The following ZSCAN5A variants were observed in gnomAD, a reference collection of about 807,000 sequenced individuals.
The protein encoded by ZSCAN5A is zinc finger and SCAN domain containing 5A, also known as zinc finger and SCAN domain-containing protein 5A.
ZSCAN5A carries 12 observed loss-of-function variants against 23.7 expected under a neutral mutation model. The observed-to-expected ratio is 0.51, with a 90% CI of 0.32 to 0.82. ZSCAN5A has a LOEUF of 0.82. Among genes scored for constraint, ZSCAN5A ranks in the 40% least tolerant of loss-of-function variants. The pLI is 0.03. For synonymous variants in ZSCAN5A, 257 were observed against 239.9 expected, an observed-to-expected ratio of 1.07 and a Z score of -0.66; for missense variants, 597 against 617.9, an observed-to-expected ratio of 0.97 and a Z score of 0.36.
chr19:56,301,899 C>T, intron 2 of ZSCAN5A: 2 of 1,231,062 alleles, frequency 1.6e-6, no homozygotes, highest in South Asian at 4.1e-5. Context: ...GGAGAGACAG[C>T]AGTGACAGGA....
rs571568763 is a variant in ZSCAN5A at position 56,232,108 on chromosome 19, C to G, written c.-127-6935G>C. Among the ~76,000 whole-genome samples, 18 of 151,182 alleles carry G rather than the reference C, an allele frequency of 1.2e-4. No individual in the cohort carries two copies. The East Asian group carries it at 1.8e-3, about 15-fold the overall frequency. On this transcript the variant is annotated intron_variant, in intron 2 of 5. Coordinates refer to ENST00000683990, the MANE Select transcript of ZSCAN5A (RefSeq NM_001322064.3). ...CCTTAAGTGAACCTCCTACCTCAGC[C>G]CCCCCAGGTGGCTGGGACCACTATG...
intron 2 of ZSCAN5A, among the ~76,000 whole-genome samples, chr19:56,276,205 G>A (rs891116607): frequency 1.3e-5 from 2 of 152,160 alleles, no homozygotes; most frequent in Non-Finnish European, 2.9e-5. Flanking sequence ...CTGGGGAAGG[G>A]TGGCACTTGG....
chr19:56,306,055 G>C (rs1025496607), intron 2 of ZSCAN5A, among the ~76,000 whole-genome samples: 1 of 152,088 alleles, frequency 6.6e-6, no homozygotes, highest in Non-Finnish European at 1.5e-5. Flanking sequence ...TGGAAGATTA[G>C]AGCAAGCATT....
intron 2 of ZSCAN5A, chr19:56,343,104 T>G: frequency 3.9e-6 from 3 of 759,538 alleles, no homozygotes; most frequent in South Asian, 2.8e-5. Context: ...TCGGGTCCTA[T>G]CCAATGATCC....
At chr19:56,238,077 C>T (rs1420589157) in intron 2 of ZSCAN5A, among the ~76,000 whole-genome samples, 2 of 42,972 alleles carry the variant, frequency 4.7e-5, no homozygotes, top group Non-Finnish European at 1.1e-4. Context: ...TAGACACACA[C>T]AGAGACACAC....
intron 2 of ZSCAN5A, among the ~76,000 whole-genome samples, chr19:56,293,536 G>A (rs990620344): frequency 6.6e-6 from 1 of 152,154 alleles, no homozygotes; most frequent in Non-Finnish European, 1.5e-5. Flanking sequence ...CACTGTGGGC[G>A]CCGGTCCTGA....
Position 56,303,885 on chromosome 19 carries a change from C to T in ZSCAN5A, c.-128+9398G>A, listed in dbSNP as rs147262720. Reference sequence around the variant, plus strand: ...CAGAGCAGCTTGGGGGCAACCACTGCAAGCAAAGCAGGCATGCACAGCAGA... The same window carrying T: ...CAGAGCAGCTTGGGGGCAACCACTGTAAGCAAAGCAGGCATGCACAGCAGA... On this transcript the variant is annotated intron_variant, in intron 2 of 5. Transcript: ENST00000683990. Among the ~76,000 whole-genome samples the T allele has an allele frequency of 1.5e-3, 235 of 152,224 alleles. 1 individual carries two copies. Among genetic ancestry groups the T allele is most frequent in the African/African-American group, 5.3e-3 (220 of 41,530 alleles).
chr19:56,288,938 C>T (rs1487241711), intron 2 of ZSCAN5A, among the ~76,000 whole-genome samples: 1 of 152,134 alleles, frequency 6.6e-6, no homozygotes, highest in Non-Finnish European at 1.5e-5. Flanking sequence ...TTCTCATAAC[C>T]ACCGCTGGGC....
At chr19:56,234,819 G>A (rs966089246) in intron 2 of ZSCAN5A, among the ~76,000 whole-genome samples, 29 of 152,338 alleles carry the variant, frequency 1.9e-4, no homozygotes, top group African/African-American at 4.8e-4. Context: ...CGTGGAGCTC[G>A]GATTTCAAGG....
chr19:56,302,510 TTTCC>T (rs139329361), intron 2 of ZSCAN5A, among the ~76,000 whole-genome samples: 9,997 of 47,890 alleles, frequency 0.21, 1,534 homozygotes, highest in African/African-American at 0.47. Flanking sequence ...TCTGCCCTTC[TTTCC>T]TTCCTCCCTC....
At chr19:56,301,818 C>G in intron 2 of ZSCAN5A, 2 of 810,738 alleles carry the variant, frequency 2.5e-6, no homozygotes, top group Non-Finnish European at 3.3e-6. Context: ...GGGAAGCTGG[C>G]AGTGATGGTG....
At chr19:56,289,129 T>TGTA (rs61082580) in intron 2 of ZSCAN5A, among the ~76,000 whole-genome samples, 64 of 152,278 alleles carry the variant, frequency 4.2e-4, no homozygotes, top group African/African-American at 1.4e-3. Context: ...AGCCCTGGTT[T>TGTA]GTAGCGACTA....
intron 2 of ZSCAN5A, among the ~76,000 whole-genome samples, chr19:56,349,733 T>G (rs1159390428): frequency 1.8e-5 from 2 of 110,018 alleles, no homozygotes; most frequent in Admixed American, 9.1e-5. Flanking sequence ...AAAAAAAAAG[T>G]AGAAGATCTT....
rs183341461 is a variant in ZSCAN5A at position 56,278,614 on chromosome 19, T to G, written c.-128+34669A>C. 3.5e-4 allele frequency among the ~76,000 whole-genome samples: 53 copies of G among 152,276 alleles called. No homozygotes were observed. The East Asian group carries it at 0.01, about 29-fold the overall frequency. On this transcript the variant is annotated intron_variant, in intron 2 of 5. Coordinates refer to ENST00000683990, the MANE Select transcript of ZSCAN5A (RefSeq NM_001322064.3). ...TTGATAGAGATATTTGAGAACAAAT[T>G]TCTTAGGGGAATTAGCTCACTCAGT...
intron 2 of ZSCAN5A, among the ~76,000 whole-genome samples, chr19:56,322,892 CTTTTTTTT>C (rs397859568): frequency 7.9e-6 from 1 of 126,820 alleles, no homozygotes; most frequent in African/African-American, 3.2e-5. Context: ...TTATTGGTTT[CTTTTTTTT>C]TTTTTTTTTT....
intron 2 of ZSCAN5A, among the ~76,000 whole-genome samples, chr19:56,264,249 A>G (rs776171120): frequency 1.3e-5 from 2 of 152,060 alleles, no homozygotes; most frequent in African/African-American, 4.8e-5. Flanking sequence ...ACCTGCCTCA[A>G]CCTGCCAGTG....
At chr19:56,273,280 G>C (rs1413672030) in intron 2 of ZSCAN5A, among the ~76,000 whole-genome samples, 1 of 152,200 alleles carries the variant, frequency 6.6e-6, no homozygotes, top group African/African-American at 2.4e-5. Flanking sequence ...GTGCCTGGAA[G>C]TCAACATTAC....
chr19:56,249,149 T>C (rs1600092615), intron 2 of ZSCAN5A, among the ~76,000 whole-genome samples: 1 of 152,202 alleles, frequency 6.6e-6, no homozygotes. Flanking sequence ...GGTGACTAGT[T>C]GGTCTTAGTG....
chr19:56,298,704 T>C (rs1048646260), intron 2 of ZSCAN5A, among the ~76,000 whole-genome samples: 24 of 151,448 alleles, frequency 1.6e-4, no homozygotes, highest in Non-Finnish European at 3.2e-4. Context: ...AAATGCCACC[T>C]GTAATTAAAT....
Sources: gnomAD v4.1 joint callset for allele counts (sites outside exome capture counted in the v4.1 genomes callset) on GRCh38, gnomAD v4.1.1 for gene constraint, MANE v1.5 for transcripts, NCBI Gene and HGNC (gene_info 2026-07-23, HGNC 2026-07-21) for gene names.